The following ROBO1 variants were observed in gnomAD, a reference collection of about 807,000 sequenced individuals.
ROBO1 encodes roundabout guidance receptor 1.
ROBO1 carries 149 observed loss-of-function variants against 195.9 expected under a neutral mutation model. The ratio of observed to expected loss-of-function variants is 0.76; its 90% CI spans 0.67 to 0.87. The LOEUF (loss-of-function observed/expected upper bound fraction) is 0.87, where lower values mean the gene tolerates loss of function less well. Ranked by LOEUF, ROBO1 falls within the 40% of genes least tolerant of loss-of-function variation. ROBO1 has a pLI of 0.00. For synonymous variants in ROBO1, 816 were observed against 733.2 expected, an observed-to-expected ratio of 1.11 and a Z score of -1.82; for missense variants, 1,933 against 2,068.3, an observed-to-expected ratio of 0.93 and a Z score of 1.27.
chr3:79,447,513 T>C (rs2107173904), intron 2 of ROBO1, among the ~76,000 whole-genome samples: 1 of 152,346 alleles, frequency 6.6e-6, no homozygotes, highest in East Asian at 1.9e-4. Context: ...CGAAACAAAC[T>C]CTTTCGCCTT....
intron 2 of ROBO1, among the ~76,000 whole-genome samples, chr3:79,216,885 A>T (rs895636391): frequency 3.3e-5 from 5 of 152,090 alleles, no homozygotes; most frequent in African/African-American, 1.2e-4. Context: ...TACAAAAGCT[A>T]CTAAAAAGAT....
At chr3:78,739,768 C>A (rs1388774424) in intron 5 of ROBO1, among the ~76,000 whole-genome samples, 1 of 152,062 alleles carries the variant, frequency 6.6e-6, no homozygotes, top group African/African-American at 2.4e-5. Flanking sequence ...TTGAACATGC[C>A]AAACCCCGGT....
intron 1 of ROBO1, among the ~76,000 whole-genome samples, chr3:79,660,062 C>T (rs1045566980): frequency 2.0e-5 from 3 of 151,842 alleles, no homozygotes; most frequent in Admixed American, 6.6e-5. Context: ...GTGGGTTTGC[C>T]GTTTTTCCTC....
intron 1 of ROBO1, among the ~76,000 whole-genome samples, chr3:79,707,487 C>T (rs777839218): frequency 3.3e-5 from 5 of 152,048 alleles, no homozygotes; most frequent in South Asian, 2.1e-4. Flanking sequence ...CTACATATCA[C>T]GTTTAAATTA....
At chr3:79,755,755 C>A (rs1704361128) in intron 1 of ROBO1, among the ~76,000 whole-genome samples, 1 of 152,204 alleles carries the variant, frequency 6.6e-6, no homozygotes, top group Non-Finnish European at 1.5e-5. Context: ...CTTCCTTGTA[C>A]ATATCCTGCC....
intron 4 of ROBO1, among the ~76,000 whole-genome samples, chr3:78,924,889 A>G (rs1576409445): frequency 6.6e-6 from 1 of 152,062 alleles, no homozygotes; most frequent in Admixed American, 6.5e-5. Flanking sequence ...TTTTACATTT[A>G]CATGGAAATA....
chr3:78,608,508 C>A (rs1016064040), intron 28 of ROBO1, among the ~76,000 whole-genome samples: 7 of 152,142 alleles, frequency 4.6e-5, no homozygotes, highest in Admixed American at 2.6e-4. Context: ...CTTTAAAAAT[C>A]ATTCCTCCGG....
intron 21 of ROBO1, among the ~76,000 whole-genome samples, chr3:78,641,235 T>A (rs1705930243): frequency 6.6e-6 from 1 of 151,966 alleles, no homozygotes; most frequent in South Asian, 2.1e-4. Flanking sequence ...CTAAGAGAGG[T>A]TAAGAAGTTT....
At chr3:79,175,108 A>G (rs1428222640) in intron 2 of ROBO1, among the ~76,000 whole-genome samples, 1 of 152,106 alleles carries the variant, frequency 6.6e-6, no homozygotes, top group Non-Finnish European at 1.5e-5. Flanking sequence ...TTTTCAGGTA[A>G]TAGTAATTTA....
At chr3:79,388,404 C>T (rs945110806) in intron 2 of ROBO1, among the ~76,000 whole-genome samples, 2 of 151,930 alleles carry the variant, frequency 1.3e-5, no homozygotes, top group East Asian at 1.9e-4. Flanking sequence ...ATCAGCACCC[C>T]TGGGGATGGG....
chr3:79,475,500 G>A (rs1938504948), intron 2 of ROBO1, among the ~76,000 whole-genome samples: 1 of 151,858 alleles, frequency 6.6e-6, no homozygotes, highest in Non-Finnish European at 1.5e-5. Context: ...AAATTCCTCA[G>A]TTATGCACTA....
In ROBO1 at chr3:78,602,640, A is replaced by G. The variant is rs149171779; in HGVS notation, c.4745-2331T>C. 1.3e-3 allele frequency among the ~76,000 whole-genome samples: 202 copies of G among 152,292 alleles called. 1 individual carries two copies. In the East Asian group the frequency reaches 0.024, roughly 18 times the overall value. On this transcript the variant is annotated intron_variant, in intron 29 of 30. Transcript: ENST00000464233. ...ATGCTTTGCGTGCTGATATACTTTCATCTTGACCTGTAACACGTCATTAAT... is the reference window on the plus strand; with the variant it reads ...ATGCTTTGCGTGCTGATATACTTTCGTCTTGACCTGTAACACGTCATTAAT...
chr3:79,481,016 C>A (rs1225606205), intron 2 of ROBO1, among the ~76,000 whole-genome samples: 1 of 152,058 alleles, frequency 6.6e-6, no homozygotes. Flanking sequence ...ATTTTACTTG[C>A]CAGATTTTAT....
intron 2 of ROBO1, among the ~76,000 whole-genome samples, chr3:79,254,446 A>G (rs1323607630): frequency 1.3e-5 from 2 of 151,898 alleles, no homozygotes; most frequent in East Asian, 3.9e-4. Context: ...TAGAGAAAGG[A>G]AGCTCACACA....
intron 1 of ROBO1, among the ~76,000 whole-genome samples, chr3:79,635,103 G>A (rs1206669209): frequency 6.6e-6 from 1 of 152,082 alleles, no homozygotes; most frequent in Non-Finnish European, 1.5e-5. Flanking sequence ...ATTTTTAGAG[G>A]CTGATGCATG....
chr3:78,827,580 T>G (rs1325581581), intron 4 of ROBO1, among the ~76,000 whole-genome samples: 2 of 150,516 alleles, frequency 1.3e-5, no homozygotes, highest in Non-Finnish European at 2.9e-5. Flanking sequence ...GTGTGTGTGC[T>G]TGTGTTCATG....
chr3:79,397,163 A>G (rs1013551241), intron 2 of ROBO1, among the ~76,000 whole-genome samples: 1 of 151,622 alleles, frequency 6.6e-6, no homozygotes, highest in Admixed American at 6.6e-5. Context: ...AGTTTATAAA[A>G]CTTTAAAAAG....
chr3:79,494,151 C>CT (rs146657230), intron 2 of ROBO1, among the ~76,000 whole-genome samples: 1 of 152,118 alleles, frequency 6.6e-6, no homozygotes, highest in East Asian at 1.9e-4. Flanking sequence ...CATCTCCACA[C>CT]TTTTTTTCTC....
chr3:78,924,821 G>T (rs1477216596), intron 4 of ROBO1, among the ~76,000 whole-genome samples: 1 of 152,018 alleles, frequency 6.6e-6, no homozygotes, highest in Non-Finnish European at 1.5e-5. Flanking sequence ...AACAAAAGCA[G>T]AGTGTTCCAA....
Sources: gnomAD v4.1 joint callset for allele counts (sites outside exome capture counted in the v4.1 genomes callset) on GRCh38, gnomAD v4.1.1 for gene constraint, MANE v1.5 for transcripts, NCBI Gene and HGNC (gene_info 2026-07-23, HGNC 2026-07-21) for gene names.